Variants in SLC5A10 observed in about 807,000 individuals in gnomAD.
SLC5A10 encodes the protein solute carrier family 5 member 10.
Under a neutral mutation model 68.9 loss-of-function variants are expected in SLC5A10, and 55 were observed. The observed-to-expected ratio is 0.80, with a 90% CI of 0.64 to 1.00. The LOEUF (loss-of-function observed/expected upper bound fraction) is 1.00, where lower values mean the gene tolerates loss of function less well. Ranked by LOEUF, SLC5A10 falls within the 50% of genes least tolerant of loss-of-function variation. The pLI is 0.00. For missense variants in SLC5A10, 732 were observed against 819.3 expected, an observed-to-expected ratio of 0.89 and a Z score of 1.30; for synonymous variants, 344 against 344.8, an observed-to-expected ratio of 1.00 and a Z score of 0.02.
Position 19,004,193 on chromosome 17 carries a change from C to G in SLC5A10, c.983-9217C>G. On this transcript the variant is annotated intron_variant, in intron 9 of 14. Transcript: ENST00000395645. The surrounding 1 kb of genome is among the most constrained non-coding windows in gnomAD (Gnocchi z 5.4). ...ATCTGCGGGAAAGACCTGATGAGCC[C>G]GGCTCGGCGGGGAGGGCGGGCCGCG... The G allele has an allele frequency of 2.9e-6, 1 of 344,886 alleles. No individual in the cohort carries two copies. Among genetic ancestry groups the G allele is most frequent in the Non-Finnish European group, 4.6e-6 (1 of 218,446 alleles). The allele number at this position is 344,886 out of a possible 1,614,324, so 21.4% of individuals were successfully genotyped here.
intron 9 of SLC5A10, among the ~76,000 whole-genome samples, chr17:19,005,343 C>T (rs1340639560): frequency 6.6e-6 from 1 of 152,192 alleles, no homozygotes; most frequent in South Asian, 2.1e-4. Flanking sequence ...GCCAAGAGGG[C>T]CGCTGTGGGC....
rs1337459900 is a variant in SLC5A10 at position 19,021,965 on chromosome 17, G to A, written c.*1534G>A. 1 of 1,553,726 alleles carries A rather than the reference G, an allele frequency of 6.4e-7. No homozygotes were observed. On this transcript the variant is annotated 3_prime_UTR_variant, in exon 15 of 15. Coordinates refer to ENST00000395645, the MANE Select transcript of SLC5A10 (RefSeq NM_001042450.4). This position sits in a 1 kb window ranked among gnomAD's most constrained non-coding sequence, Gnocchi z 4.1. ...AGATCGGCCGCCGGGCTGCTCACAG[G>A]TGCACGGGCTGCACGTAACTCCGTG...
chr17:18,971,789 GCCAACCCCGCC>G lies in SLC5A10; in HGVS notation c.846+575_846+585del. The G allele has an allele frequency of 2.0e-6, 3 of 1,521,514 alleles. No individual in the cohort carries two copies. Among genetic ancestry groups the G allele is most frequent in the Non-Finnish European group, 2.6e-6 (3 of 1,134,664 alleles). 94.3% of individuals were successfully genotyped at this position (1,521,514 alleles called of 1,614,324 possible). On this transcript the variant is annotated intron_variant, in intron 8 of 14. Coordinates refer to ENST00000395645, the MANE Select transcript of SLC5A10 (RefSeq NM_001042450.4). The surrounding 1 kb of genome is among the most constrained non-coding windows in gnomAD (Gnocchi z 5.5). ...CAGAGAGTGAGGCTGAGCAAGAAGG[GCCAACCCCGCC>G]CCAGCACAGGACCCTGCTCAGGCAC... is the stretch of plus-strand genomic sequence containing the variant.
Position 18,971,752 on chromosome 17 carries a change from GGAGA to G in SLC5A10, c.846+542_846+545del. The G allele has an allele frequency of 6.4e-7, 1 of 1,555,552 alleles. No individual in the cohort carries two copies. Among genetic ancestry groups the G allele is most frequent in the Non-Finnish European group, 8.7e-7 (1 of 1,149,024 alleles). On this transcript the variant is annotated intron_variant, in intron 8 of 14. Transcript: ENST00000395645. This position sits in a 1 kb window ranked among gnomAD's most constrained non-coding sequence, Gnocchi z 5.5. The stretch of plus-strand genomic sequence containing the variant: ...TGTGATGATGAAACTGCTGGCCCTG[GGAGA>G]GAGAGAGCAGAGAGTGAGGCTGAGC...
At chr17:18,967,211 G>C (rs11652123) in intron 5 of SLC5A10, among the ~76,000 whole-genome samples, 68,323 of 152,052 alleles carry the variant, frequency 0.45, 16,692 homozygotes, top group Admixed American at 0.56. Context: ...AGCAGCAAAC[G>C]TTCACTGGAT....
chr17:18,988,436 A>T lies in SLC5A10; in HGVS notation c.982+11447A>T, dbSNP rs757670502. On this transcript the variant is annotated intron_variant, in intron 9 of 14. Transcript: ENST00000395645. ...TCACCTGGGAGCAAGAAGAGAGACT[A>T]GGGCCTGTCAGACAGTGCAGCAGTG... 8.7e-6 allele frequency: 14 copies of T among 1,612,424 alleles called. No individual in the cohort carries two copies. In the South Asian group the frequency reaches 1.4e-4, roughly 16 times the overall value.
At chr17:19,019,626 G>T in intron 12 of SLC5A10, 35 bp downstream of exon 12, 2 of 1,605,464 alleles carry the variant, frequency 1.2e-6, no homozygotes, top group Non-Finnish European at 8.5e-7. Flanking sequence ...CTGGGGACGT[G>T]CCACAATTTG....
chr17:18,951,038 C>T (rs150475879), upstream of SLC5A10, among the ~76,000 whole-genome samples: 17 of 152,320 alleles, frequency 1.1e-4, no homozygotes, highest in African/African-American at 2.2e-4. Context: ...AATTTTTACC[C>T]GCACCTCAGG....
At chr17:18,979,772 G>T (rs1006916912) in intron 9 of SLC5A10, 2 of 1,349,586 alleles carry the variant, frequency 1.5e-6, no homozygotes, top group East Asian at 4.6e-5. Context: ...GGGGACTCTG[G>T]AGTAGTCAGG....
At position 19,019,562 on chromosome 17, in the gene SLC5A10, G is replaced by C. The variant is rs770514701; in HGVS notation, c.1381G>C (p.Gly461Arg). ...ACCAGTGACTGCAGTCTTTGTCCTG[G>C]GCGTCTTCTGGCGACGTGCCAACGA... ...APPVTAVFVL[G>R]VFWRRANEQG... The change falls in exon 12 of 15, where the codon GGC (glycine) becomes CGC (arginine). Residue 461 changes from glycine to arginine, a missense_variant. By Grantham distance (125) the Gly-to-Arg change is moderately radical (BLOSUM62 -2). Transcript: ENST00000395645. 6.2e-7 allele frequency: 1 copy of C among 1,611,916 alleles called. No individual in the cohort carries two copies. The highest frequency in any genetic ancestry group is 8.5e-7 in the Non-Finnish European group (1 of 1,179,952).
In SLC5A10 at chr17:19,016,471, C is replaced by CG. The variant is rs566144184; in HGVS notation, c.1241+1277dup. On this transcript the variant is annotated intron_variant, in intron 11 of 14. Transcript: ENST00000395645. Reference sequence around the variant, plus strand: ...GCAGTGTGGCTCACACTCTGCTGCTCGGGGGTCCAGCCTTCTGGCACAACA... The same window carrying CG: ...GCAGTGTGGCTCACACTCTGCTGCTCGGGGGGTCCAGCCTTCTGGCACAACA... 1.1e-4 allele frequency among the ~76,000 whole-genome samples: 17 copies of CG among 152,254 alleles called. 1 individual carries two copies. Among genetic ancestry groups the CG allele is most frequent in the African/African-American group, 4.1e-4 (17 of 41,566 alleles).
intron 9 of SLC5A10, chr17:18,977,424 G>T: frequency 1.3e-6 from 1 of 743,128 alleles, no homozygotes; most frequent in East Asian, 2.7e-5. Flanking sequence ...GCCCTGGCCG[G>T]TTCCCACCCC....
In SLC5A10 at chr17:19,003,750, C is replaced by A; in HGVS notation, c.983-9660C>A. On this transcript the variant is annotated intron_variant, in intron 9 of 14. Transcript: ENST00000395645. The surrounding 1 kb of genome is among the most constrained non-coding windows in gnomAD (Gnocchi z 4.5). ...CCATCCGCCCCGCTGGCTTCCTCGCCGTCGCCGACCCCATTGTCCTCGGGC... is the reference window on the plus strand; with the variant it reads ...CCATCCGCCCCGCTGGCTTCCTCGCAGTCGCCGACCCCATTGTCCTCGGGC... 6.2e-7 allele frequency: 1 copy of A among 1,605,590 alleles called. No homozygotes were observed.
intron 9 of SLC5A10, chr17:18,986,453 G>A (rs757026609): frequency 1.3e-5 from 2 of 152,136 alleles, no homozygotes; most frequent in Non-Finnish European, 1.5e-5. Flanking sequence ...TAAATTGGTC[G>A]GAATTGCTTT....
In SLC5A10 at chr17:18,970,998, C is replaced by A. The variant is rs1199216650; in HGVS notation, c.641-15C>A. Reference sequence around the variant, plus strand: ...CAACCACCAAACTGTCCCTGTTCCACCCTGACCCCTCCAGCTTTTGACCAG... The same window carrying A: ...CAACCACCAAACTGTCCCTGTTCCAACCTGACCCCTCCAGCTTTTGACCAG... On this transcript the variant is annotated splice_polypyrimidine_tract_variant and intron_variant, in intron 7 of 14. Coordinates refer to ENST00000395645, the MANE Select transcript of SLC5A10 (RefSeq NM_001042450.4). The A allele has an allele frequency of 6.2e-7, 1 of 1,613,658 alleles. No individual in the cohort carries two copies. Among genetic ancestry groups the A allele is most frequent in the Non-Finnish European group, 8.5e-7 (1 of 1,179,902 alleles).
intron 9 of SLC5A10, chr17:18,978,596 A>G (rs779652084): frequency 2.5e-6 from 4 of 1,612,936 alleles, no homozygotes; most frequent in Middle Eastern, 1.6e-4. Flanking sequence ...AATCTCGTCG[A>G]CGCTCTTGGC....
intron 10 of SLC5A10, among the ~76,000 whole-genome samples, chr17:19,014,301 A>AGG (rs2044084297): frequency 2.0e-5 from 3 of 152,040 alleles, no homozygotes; most frequent in African/African-American, 7.2e-5. Context: ...GCATCCTTCC[A>AGG]CCTTCCTTAG....
At chr17:18,984,070 C>T (rs183216398) in intron 9 of SLC5A10, among the ~76,000 whole-genome samples, 8 of 152,230 alleles carry the variant, frequency 5.3e-5, no homozygotes, top group South Asian at 2.1e-4. Context: ...TGGCCGGGCG[C>T]GGTGGCTCAC....
chr17:19,004,080 G>T lies in SLC5A10; in HGVS notation c.983-9330G>T. ...CGGGCACTGCTGCCGGGGGTGGGTG[G>T]GCAAGGTCCAGCTCCTAGCTCCGGC... On this transcript the variant is annotated intron_variant, in intron 9 of 14. Transcript: ENST00000395645. The surrounding 1 kb of genome is among the most constrained non-coding windows in gnomAD (Gnocchi z 5.4). 1 of 1,549,092 alleles carries T rather than the reference G, an allele frequency of 6.5e-7. No homozygotes were observed. Among genetic ancestry groups the T allele is most frequent in the South Asian group, 1.2e-5 (1 of 80,678 alleles).
Sources: allele counts gnomAD v4.1 joint callset (sites outside exome capture counted in the v4.1 genomes callset), GRCh38; gene constraint gnomAD v4.1.1; non-coding constraint Gnocchi (gnomAD v3.1); transcripts MANE v1.5; gene names NCBI Gene and HGNC (gene_info 2026-07-23, HGNC 2026-07-21).